The following CDK5RAP2 variants were observed in gnomAD, a reference collection of about 807,000 sequenced individuals.
CDK5RAP2 encodes the protein CDK5 regulatory subunit-associated protein 2.
CDK5RAP2 carries 147 observed loss-of-function variants against 232.9 expected under a neutral mutation model. The observed-to-expected ratio is 0.63, with a 90% CI of 0.55 to 0.72. CDK5RAP2 has a LOEUF of 0.72. Among genes scored for constraint, CDK5RAP2 ranks in the 30% least tolerant of loss-of-function variants. The probability of loss-of-function intolerance (pLI) is 0.00; values close to 1 mark genes in which losing one functional copy is unlikely to be tolerated. For synonymous variants in CDK5RAP2, 833 were observed against 833.7 expected, an observed-to-expected ratio of 1.00 and a Z score of 0.01; for missense variants, 2,195 against 2,231.5, an observed-to-expected ratio of 0.98 and a Z score of 0.33.
intron 23 of CDK5RAP2, among the ~76,000 whole-genome samples, chr9:120,442,116 T>C (rs1353068238): frequency 6.6e-6 from 1 of 152,200 alleles, no homozygotes; most frequent in Non-Finnish European, 1.5e-5. Flanking sequence ...CCCAGGACTT[T>C]CCTTAAGTAA....
intron 35 of CDK5RAP2, among the ~76,000 whole-genome samples, chr9:120,398,137 G>T (rs1215785076): frequency 1.3e-5 from 2 of 152,220 alleles, no homozygotes; most frequent in Non-Finnish European, 2.9e-5. Flanking sequence ...ACTCACTGGT[G>T]CTAGAACAGA....
chr9:120,465,357 GA>G (rs1188058967), intron 18 of CDK5RAP2, among the ~76,000 whole-genome samples: 2 of 152,230 alleles, frequency 1.3e-5, no homozygotes, highest in East Asian at 3.9e-4. Flanking sequence ...ATAAATATGA[GA>G]AAATAGGTGC....
At chr9:120,477,572 TG>T (rs2038084012) in intron 14 of CDK5RAP2, 122 bp from the exon 15 acceptor site, 1 of 788,242 alleles carries the variant, frequency 1.3e-6, no homozygotes, top group Admixed American at 1.9e-5. Context: ...AGAGAGGCCC[TG>T]TGCCTGGCTC....
chr9:120,525,118 G>T (rs1216806658), intron 10 of CDK5RAP2, 40 bp from the exon 11 acceptor site: 2 of 1,466,666 alleles, frequency 1.4e-6, no homozygotes, highest in Non-Finnish European at 1.9e-6. Context: ...TATGTAACTG[G>T]GCTCTCCTCT....
chr9:120,503,581 G>T (rs950203415), intron 12 of CDK5RAP2, among the ~76,000 whole-genome samples: 1 of 152,310 alleles, frequency 6.6e-6, no homozygotes, highest in South Asian at 2.1e-4. Context: ...GACAGCCCTA[G>T]TCTTGAATCC....
chr9:120,567,993 T>C (rs1335905496), intron 3 of CDK5RAP2, among the ~76,000 whole-genome samples: 2 of 152,178 alleles, frequency 1.3e-5, no homozygotes, highest in Non-Finnish European at 2.9e-5. Context: ...TTGACAAATG[T>C]TAGCTCCCCT....
At chr9:120,513,509 AC>A (rs1326757213) in intron 12 of CDK5RAP2, among the ~76,000 whole-genome samples, 1 of 152,034 alleles carries the variant, frequency 6.6e-6, no homozygotes, top group African/African-American at 2.4e-5. Context: ...CCCCAAAATC[AC>A]CATACCCTCT....
Position 120,530,073 on chromosome 9 carries a change from T to C in CDK5RAP2, c.730A>G (p.Lys244Glu). ...TCATCAGGACATGCCATCTGAGATT[T>C]CTCCTCTTTAAGGCACTGAATTAAA... is the stretch of plus-strand genomic sequence containing the variant. The part of the protein sequence containing the change: ...EALIQCLKEE[K>E]SQMACPDENV... The change falls in exon 8 of 38, where the codon AAA (lysine) becomes GAA (glutamate). Residue 244 changes from lysine to glutamate, a missense_variant. By Grantham distance (56) the Lys-to-Glu change is moderately conservative. Transcript: ENST00000349780. 1 of 1,613,954 alleles carries C rather than the reference T, an allele frequency of 6.2e-7. No individual in the cohort carries two copies. Among genetic ancestry groups the C allele is most frequent in the Non-Finnish European group, 8.5e-7 (1 of 1,179,848 alleles).
At chr9:120,521,135 T>C (rs1174037297) in intron 11 of CDK5RAP2, among the ~76,000 whole-genome samples, 35 of 152,182 alleles carry the variant, frequency 2.3e-4, no homozygotes, top group Admixed American at 2.2e-3. Context: ...CCAAAAGCTA[T>C]ATACAATAAC....
chr9:120,502,801 G>A (rs1023937614), intron 12 of CDK5RAP2, among the ~76,000 whole-genome samples: 2 of 152,152 alleles, frequency 1.3e-5, no homozygotes, highest in African/African-American at 4.8e-5. Flanking sequence ...AGCATCAACA[G>A]AACCTTGGGG....
chr9:120,390,722 G>C (rs1286499753), intron 36 of CDK5RAP2, among the ~76,000 whole-genome samples: 1 of 152,156 alleles, frequency 6.6e-6, no homozygotes, highest in African/African-American at 2.4e-5. Context: ...AAGGCTTCTG[G>C]AGCCGCGCCT....
At chr9:120,441,337 G>A (rs1210358048) in intron 23 of CDK5RAP2, among the ~76,000 whole-genome samples, 1 of 152,192 alleles carries the variant, frequency 6.6e-6, no homozygotes, top group African/African-American at 2.4e-5. Context: ...AGCTTTAGTA[G>A]CTTTATCTGT....
At chr9:120,568,116 G>C (rs750426965) in intron 3 of CDK5RAP2, among the ~76,000 whole-genome samples, 1 of 152,166 alleles carries the variant, frequency 6.6e-6, no homozygotes, top group African/African-American at 2.4e-5. Context: ...TGCTGATCCC[G>C]TCAGAACCTA....
chr9:120,453,045 T>C (rs1434163367), intron 21 of CDK5RAP2, among the ~76,000 whole-genome samples: 1 of 152,192 alleles, frequency 6.6e-6, no homozygotes, highest in East Asian at 1.9e-4. Context: ...ATCAATACAA[T>C]GAAAACTGTA....
chr9:120,519,073 G>A (rs1301154354), intron 11 of CDK5RAP2, among the ~76,000 whole-genome samples: 2 of 152,062 alleles, frequency 1.3e-5, no homozygotes. Context: ...TACTCGGGAA[G>A]GCTGAGGCAG....
intron 28 of CDK5RAP2, among the ~76,000 whole-genome samples, chr9:120,413,824 G>A (rs2034018429): frequency 7.4e-6 from 1 of 134,634 alleles, no homozygotes; most frequent in African/African-American, 3.3e-5. Flanking sequence ...GGAGGAGGGA[G>A]GAGGGAGGAG....
rs758336648 is a variant in CDK5RAP2 at position 120,415,151 on chromosome 9, TTA to T, written c.4184_4185del (p.Leu1395HisfsTer19). The T allele has an allele frequency of 2.6e-5, 42 of 1,614,056 alleles. No individual in the cohort carries two copies. The highest frequency in any genetic ancestry group is 3.6e-5 in the Non-Finnish European group (42 of 1,179,884). ...GTTCGAATTTCCTGTATGTGTTCCA[TTA>T]GTAAGTCTACAGGAAGGAAGCCATT... ...VMVNSFSQDL[L>X]MEHIQEIRTL... On this transcript the variant is annotated frameshift_variant, in exon 28 of 38. Transcript: ENST00000349780. LOFTEE classifies it high-confidence loss of function.
At chr9:120,484,990 C>T (rs1470615963) in intron 14 of CDK5RAP2, among the ~76,000 whole-genome samples, 1 of 151,934 alleles carries the variant, frequency 6.6e-6, no homozygotes, top group African/African-American at 2.4e-5. Flanking sequence ...TCCCACAATG[C>T]TAGGATTACA....
intron 21 of CDK5RAP2, among the ~76,000 whole-genome samples, chr9:120,452,629 G>C (rs1026472527): frequency 2.0e-5 from 3 of 151,438 alleles, no homozygotes; most frequent in African/African-American, 7.3e-5. Context: ...TTTTCATAAG[G>C]GTCCAATGAA....
Sources: gnomAD v4.1 joint callset for allele counts (sites outside exome capture counted in the v4.1 genomes callset) on GRCh38, gnomAD v4.1.1 for gene constraint, MANE v1.5 for transcripts, NCBI Gene and HGNC (gene_info 2026-07-23, HGNC 2026-07-21) for gene names.